Variants in ANKRD33B observed in about 807,000 individuals in gnomAD.
The protein encoded by ANKRD33B is ankyrin repeat domain 33B, also known as ankyrin repeat domain-containing protein 33B.
In ANKRD33B, 6 loss-of-function variants were observed where a neutral mutation model predicts 21.5. That is an observed-to-expected ratio of 0.28 (90% confidence interval 0.15 to 0.55). ANKRD33B has a LOEUF of 0.55. ANKRD33B is among the 20% of genes least tolerant of loss of function. ANKRD33B has a pLI of 0.94. For synonymous variants in ANKRD33B, 347 were observed against 342.4 expected (o/e 1.01, Z -0.15); for missense variants, 698 against 747.2 (o/e 0.93, Z 0.77).
Position 10,576,723 on chromosome 5 carries a change from T to G in ANKRD33B, c.366+11890T>G, listed in dbSNP as rs1380943887. On this transcript the variant is annotated intron_variant, in intron 1 of 3. Coordinates refer to ENST00000296657, the MANE Select transcript of ANKRD33B (RefSeq NM_001164440.2). This position sits in a 1 kb window ranked among gnomAD's most constrained non-coding sequence, Gnocchi z 4.1. ...GGTTTTCCAGTACTGCTAGTTCCAT[T>G]TTAGCCAAGGGGAAAAGTGGAAGCA... Among the ~76,000 whole-genome samples the G allele has an allele frequency of 1.3e-5, 2 of 152,244 alleles. No homozygotes were observed. The highest frequency in any genetic ancestry group is 3.8e-4 in the East Asian group (2 of 5,206).
intron 1 of ANKRD33B, among the ~76,000 whole-genome samples, chr5:10,596,604 C>G (rs1238628282): frequency 6.6e-6 from 1 of 152,092 alleles, no homozygotes; most frequent in Non-Finnish European, 1.5e-5. Flanking sequence ...GAGAATGGAA[C>G]CAATTTGGAA....
At chr5:10,637,987 T>C in intron 2 of ANKRD33B, 41 bp from the exon 3 acceptor site, 1 of 1,527,124 alleles carries the variant, frequency 6.5e-7, no homozygotes. Context: ...GCACATTTTG[T>C]GGAAGTGGGA....
At chr5:10,642,873 T>C (rs1359076823) in intron 3 of ANKRD33B, among the ~76,000 whole-genome samples, 8 of 152,132 alleles carry the variant, frequency 5.3e-5, no homozygotes, top group Non-Finnish European at 1.5e-5. Context: ...TGTTTTTTGC[T>C]TTTTTGTTCT....
intron 1 of ANKRD33B, among the ~76,000 whole-genome samples, chr5:10,601,452 C>T (rs951153363): frequency 5.3e-5 from 8 of 152,226 alleles, no homozygotes; most frequent in African/African-American, 9.6e-5. Context: ...TAACGAGGCT[C>T]AACCTGGCTG....
chr5:10,571,787 A>C (rs186524598), intron 1 of ANKRD33B, among the ~76,000 whole-genome samples: 1 of 152,214 alleles, frequency 6.6e-6, no homozygotes, highest in Non-Finnish European at 1.5e-5. Flanking sequence ...TGGACTGTAC[A>C]TTAGAATCAT....
At chr5:10,589,951 C>CT (rs56400636) in intron 1 of ANKRD33B, among the ~76,000 whole-genome samples, 4,972 of 145,284 alleles carry the variant, frequency 0.034, 123 homozygotes, top group Non-Finnish European at 0.057. Context: ...TCTTTTAAAT[C>CT]TTTTTTTTTT....
intron 2 of ANKRD33B, among the ~76,000 whole-genome samples, chr5:10,634,807 G>T (rs16885057): frequency 0.014 from 1,961 of 145,246 alleles, 47 homozygotes; most frequent in Admixed American, 0.063. Flanking sequence ...TGCAAGGAAG[G>T]CTGTGTGTCT....
Position 10,576,345 on chromosome 5 carries a change from T to C in ANKRD33B, c.366+11512T>C, listed in dbSNP as rs1579711494. Among the ~76,000 whole-genome samples the C allele has an allele frequency of 6.6e-6, 1 of 152,158 alleles. No individual in the cohort carries two copies. The highest frequency in any genetic ancestry group is 2.4e-5 in the African/African-American group (1 of 41,430). On this transcript the variant is annotated intron_variant, in intron 1 of 3. Coordinates refer to ENST00000296657, the MANE Select transcript of ANKRD33B (RefSeq NM_001164440.2). This position sits in a 1 kb window ranked among gnomAD's most constrained non-coding sequence, Gnocchi z 4.1. The stretch of plus-strand genomic sequence containing the variant: ...CACTGTGGTTCATGGGCCAGCAGCG[T>C]TGGCATCGCCTGGGAGCTTCTACCA...
chr5:10,632,341 G>A (rs1474288006), intron 2 of ANKRD33B, among the ~76,000 whole-genome samples: 1 of 152,164 alleles, frequency 6.6e-6, no homozygotes. Context: ...GGGGCCTGGG[G>A]AAGAGTCAAC....
intron 3 of ANKRD33B, among the ~76,000 whole-genome samples, chr5:10,644,743 C>T (rs1256609126): frequency 6.6e-6 from 1 of 152,096 alleles, no homozygotes; most frequent in Non-Finnish European, 1.5e-5. Context: ...GTGAATTTGC[C>T]ATGTAGAATT....
chr5:10,638,256 C>T (rs1260177476), intron 3 of ANKRD33B, 88 bp downstream of exon 3: 3 of 1,414,744 alleles, frequency 2.1e-6, no homozygotes, highest in Admixed American at 2.5e-5. Flanking sequence ...TTAATCACTC[C>T]CATAGAAACA....
intron 1 of ANKRD33B, among the ~76,000 whole-genome samples, chr5:10,604,316 CGA>C (rs1184296724): frequency 6.6e-6 from 1 of 151,006 alleles, no homozygotes; most frequent in Non-Finnish European, 1.5e-5. Context: ...CTCAGCCTCC[CGA>C]GTAGCTGGGA....
intron 1 of ANKRD33B, among the ~76,000 whole-genome samples, chr5:10,585,270 T>C (rs1317033142): frequency 6.6e-6 from 1 of 152,228 alleles, no homozygotes; most frequent in Admixed American, 6.5e-5. Context: ...TCTCTTACAT[T>C]GTGCTTACTT....
At chr5:10,585,805 G>A (rs1037588972) in intron 1 of ANKRD33B, among the ~76,000 whole-genome samples, 3 of 152,222 alleles carry the variant, frequency 2.0e-5, no homozygotes, top group Admixed American at 1.3e-4. Context: ...GGGGTCATGC[G>A]TAAAGCAGAG....
Position 10,564,720 on chromosome 5 carries a change from G to A in ANKRD33B, c.253G>A (p.Glu85Lys), listed in dbSNP as rs962785129. 2.0e-6 allele frequency: 3 copies of A among 1,533,612 alleles called. No homozygotes were observed. Among genetic ancestry groups the A allele is most frequent in the Non-Finnish European group, 2.6e-6 (3 of 1,145,882 alleles). ...GGAGGGCGTCCCGGAAAGCGTCCCGGAGACGGCGACCCTCCTGCGCGCCGC... is the reference window on the plus strand; with the variant it reads ...GGAGGGCGTCCCGGAAAGCGTCCCGAAGACGGCGACCCTCCTGCGCGCCGC... ...VPEGVPESVP[E>K]TATLLRAACA... The change falls in exon 1 of 4, where the codon GAG becomes AAG. Residue 85 changes from glutamate (E) to lysine (K), a missense_variant. This residue lies in a region of ANKRD33B where 148 missense variants were observed against 154.9 expected (regional missense o/e 0.96). Transcript: ENST00000296657.
intron 1 of ANKRD33B, among the ~76,000 whole-genome samples, chr5:10,566,069 C>G (rs1264644706): frequency 6.6e-6 from 1 of 152,154 alleles, no homozygotes; most frequent in Non-Finnish European, 1.5e-5. Context: ...TCAATTACCT[C>G]CCACCGTGTC....
At chr5:10,616,327 G>A (rs1736282391) in intron 1 of ANKRD33B, among the ~76,000 whole-genome samples, 1 of 152,108 alleles carries the variant, frequency 6.6e-6, no homozygotes, top group Non-Finnish European at 1.5e-5. Flanking sequence ...AGCACTTTGG[G>A]AGACTGAGGT....
chr5:10,654,172 C>T lies in ANKRD33B; in HGVS notation c.*4059C>T, dbSNP rs1242125648. ...GGGTTATGGTGGGACCTCCTAGACC[C>T]CAGAGTGAATGAATGGCAGGCCTGC... On this transcript the variant is annotated 3_prime_UTR_variant, in exon 4 of 4. Transcript: ENST00000296657. The T allele has an allele frequency of 6.6e-6, 1 of 152,440 alleles. No individual in the cohort carries two copies. Among genetic ancestry groups the T allele is most frequent in the Non-Finnish European group, 1.5e-5 (1 of 68,134 alleles). The allele number at this position is 152,440 out of a possible 1,614,324, so 9.4% of individuals were successfully genotyped here. A position where few individuals can be genotyped will look rare whatever the true frequency, so the allele number is the denominator to read the frequency against.
chr5:10,589,221 C>T lies in ANKRD33B; in HGVS notation c.366+24388C>T, dbSNP rs151086338. Among the ~76,000 whole-genome samples the T allele has an allele frequency of 7.9e-4, 121 of 152,248 alleles. 1 individual carries two copies. Among genetic ancestry groups the T allele is most frequent in the African/African-American group, 2.3e-3 (97 of 41,526 alleles). ...AAAGGATCCAACCCACAGGCCCCTC[C>T]GTTTCTCGTTCCCCACCTGCTGGTC... is the stretch of plus-strand genomic sequence containing the variant. On this transcript the variant is annotated intron_variant, in intron 1 of 3. Transcript: ENST00000296657.
Sources: allele counts gnomAD v4.1 joint callset (sites outside exome capture counted in the v4.1 genomes callset), GRCh38; gene constraint gnomAD v4.1.1; regional missense constraint gnomAD v4.1.1; non-coding constraint Gnocchi (gnomAD v3.1); transcripts MANE v1.5; gene names NCBI Gene and HGNC (gene_info 2026-07-23, HGNC 2026-07-21).